MTMR10: variants seen among roughly 807,000 people sequenced by gnomAD.
MTMR10 encodes the protein myotubularin-related protein 10.
A neutral mutation model predicts 88.1 loss-of-function variants in MTMR10; 56 were observed. The observed-to-expected ratio is 0.64, with a 90% confidence interval of 0.51 to 0.79. The LOEUF is 0.79. MTMR10 is among the 30% of genes least tolerant of loss of function. The probability of loss-of-function intolerance (pLI) is 0.00; values close to 1 mark genes in which losing one functional copy is unlikely to be tolerated. For synonymous variants in MTMR10, 380 were observed against 340.9 expected (o/e 1.11, Z -1.26); for missense variants, 883 against 924.7 (o/e 0.95, Z 0.58).
intron 1 of MTMR10, chr15:30,991,110 G>A (rs3743232): frequency 0.057 from 29,699 of 518,326 alleles, 1,071 homozygotes; most frequent in Admixed American, 0.14. Context: ...CCCAAGCGCT[G>A]CAATCATGCT....
chr15:30,943,146 C>A, intron 14 of MTMR10, 74 bp from the exon 15 acceptor site: 3 of 1,487,574 alleles, frequency 2.0e-6, no homozygotes, highest in Admixed American at 4.7e-5. Context: ...ATGAGCCACT[C>A]ATCATTACAC....
At chr15:30,973,928 T>C (rs1346708992) in intron 5 of MTMR10, among the ~76,000 whole-genome samples, 1 of 152,246 alleles carries the variant, frequency 6.6e-6, no homozygotes, top group African/African-American at 2.4e-5. Flanking sequence ...AACATAAGTC[T>C]AGCTTACAGT....
intron 5 of MTMR10, among the ~76,000 whole-genome samples, chr15:30,970,550 T>A (rs2063525545): frequency 6.6e-6 from 1 of 152,138 alleles, no homozygotes; most frequent in Non-Finnish European, 1.5e-5. Context: ...CTGACAAAAG[T>A]AGTTACCAAC....
intron 12 of MTMR10, 29 bp downstream of exon 12, chr15:30,951,939 A>G: frequency 1.3e-6 from 2 of 1,585,544 alleles, no homozygotes; most frequent in Non-Finnish European, 1.7e-6. Flanking sequence ...TATGGTGGTC[A>G]TGGTGCTTTC....
chr15:30,974,210 C>G (rs141664559), intron 5 of MTMR10, 104 bp downstream of exon 5: 1 of 1,092,124 alleles, frequency 9.2e-7, no homozygotes, highest in African/African-American at 1.6e-5. Flanking sequence ...GATAACTTCC[C>G]CTAAAAAACA....
Position 30,941,832 on chromosome 15 carries a change from T to G in MTMR10, c.1972A>C (p.Lys658Gln). The change falls in exon 16 of 16, where the codon AAA (lysine) becomes CAA (glutamine). Residue 658 changes from lysine to glutamine, a missense_variant. By Grantham distance (53) the Lys-to-Gln change is moderately conservative (BLOSUM62 1). Transcript: ENST00000435680. ...GGAACCCAGCGGAAGTAGCACAGTTTCCACAGTTTTATGTGTGTTCCAGAG... is the reference window on the plus strand; with the variant it reads ...GGAACCCAGCGGAAGTAGCACAGTTGCCACAGTTTTATGTGTGTTCCAGAG... ...RVSGTHIKLWKLCYFRWVPEA... is the reference protein window; with the variant it reads ...RVSGTHIKLWQLCYFRWVPEA... 6.2e-7 allele frequency: 1 copy of G among 1,614,048 alleles called. No homozygotes were observed. The highest frequency in any genetic ancestry group is 8.5e-7 in the Non-Finnish European group (1 of 1,179,900).
chr15:30,955,183 C>T (rs2063305121), intron 9 of MTMR10, among the ~76,000 whole-genome samples: 2 of 152,330 alleles, frequency 1.3e-5, no homozygotes, highest in East Asian at 3.9e-4. Flanking sequence ...CCCAACTTCT[C>T]CCACCCATCT....
intron 2 of MTMR10, among the ~76,000 whole-genome samples, chr15:30,979,975 G>A (rs1369432914): frequency 6.6e-6 from 1 of 152,232 alleles, no homozygotes; most frequent in Non-Finnish European, 1.5e-5. Context: ...AGACAGAGCT[G>A]AGTACTTGAA....
At chr15:30,928,235 C>G in the MTMR10 span, 5 of 1,083,134 alleles carry the variant, frequency 4.6e-6, no homozygotes, top group Non-Finnish European at 5.6e-6. Context: ...GGGTATCTGC[C>G]TATTTTTCTT....
intron 14 of MTMR10, among the ~76,000 whole-genome samples, chr15:30,945,598 G>A (rs1393238829): frequency 6.6e-6 from 1 of 152,226 alleles, no homozygotes; most frequent in Non-Finnish European, 1.5e-5. Flanking sequence ...AGAGCTGAAG[G>A]AGGCAAACAA....
At chr15:30,922,094 CAGTT>C in the MTMR10 span, 3 of 1,056,138 alleles carry the variant, frequency 2.8e-6, no homozygotes, top group African/African-American at 4.8e-5. Flanking sequence ...CCTGTCCTGT[CAGTT>C]CGGGGTCCTT....
At chr15:30,955,007 C>T (rs2141012466) in intron 9 of MTMR10, 114 bp from the exon 10 acceptor site, 1 of 893,310 alleles carries the variant, frequency 1.1e-6, no homozygotes, top group East Asian at 3.2e-5. Flanking sequence ...AGGTCTCTGC[C>T]TTCATGGAGT....
chr15:30,970,506 GCT>G (rs1409393034), intron 5 of MTMR10, among the ~76,000 whole-genome samples: 2 of 152,120 alleles, frequency 1.3e-5, no homozygotes, highest in Non-Finnish European at 2.9e-5. Flanking sequence ...TTCTGACGGT[GCT>G]CTGTGTCCAA....
chr15:30,962,079 A>C (rs560914528), intron 6 of MTMR10, among the ~76,000 whole-genome samples: 1 of 152,308 alleles, frequency 6.6e-6, no homozygotes, highest in South Asian at 2.1e-4. Flanking sequence ...TCCTTTGAAA[A>C]GCTCATCAGG....
downstream of MTMR10, among the ~76,000 whole-genome samples, chr15:30,935,444 AAAG>A (rs1287840554): frequency 6.6e-6 from 1 of 152,246 alleles, no homozygotes; most frequent in Non-Finnish European, 1.5e-5. Flanking sequence ...TATTTGGAAA[AAAG>A]AAAAACAATA....
In MTMR10 at chr15:30,941,664, T is replaced by C; in HGVS notation, c.2140A>G (p.Ser714Gly). Residue 714 changes from serine to glycine, a missense_variant, in exon 16 of 16, where the codon AGC becomes GGC. Ser to Gly is a moderately conservative substitution (Grantham distance 56). Transcript: ENST00000435680. ...CCGCTGGCGTTGAAGTACATCCTGC[T>C]CTGGCCCAGCTCCCCATAGCAGGCC... ...LEACYGELGQ[S>G]RMYFNASGPH... The C allele has an allele frequency of 6.2e-7, 1 of 1,613,140 alleles. No individual in the cohort carries two copies. The highest frequency in any genetic ancestry group is 8.5e-7 in the Non-Finnish European group (1 of 1,179,544).
At chr15:30,933,653 T>C in the MTMR10 span, among the ~76,000 whole-genome samples, 7 of 152,088 alleles carry the variant, frequency 4.6e-5, no homozygotes, top group African/African-American at 1.7e-4. Flanking sequence ...TTGATAGTGT[T>C]GTTTAAGTTG....
Position 30,974,336 on chromosome 15 carries a change from G to A in MTMR10, c.452C>T (p.Ser151Leu). The change falls in exon 5 of 16, where the codon TCA becomes TTA. Residue 151 changes from serine (S) to leucine (L), a missense_variant. Coordinates refer to ENST00000435680, the MANE Select transcript of MTMR10 (RefSeq NM_017762.3). ...TACCTTTTTAGCACTTTCGGGACCT[G>A]ATTCATCAAAGCGAAATCTGACAAT... Reference protein sequence around the residue: ...FRIVRFRFDESGPESAKKVCL... With the variant: ...FRIVRFRFDELGPESAKKVCL... 6.2e-7 allele frequency: 1 copy of A among 1,603,340 alleles called. No individual in the cohort carries two copies. Among genetic ancestry groups the A allele is most frequent in the Non-Finnish European group, 8.5e-7 (1 of 1,173,638 alleles).
chr15:30,980,836 CA>C (rs1193851728), intron 2 of MTMR10, among the ~76,000 whole-genome samples: 2 of 151,978 alleles, frequency 1.3e-5, no homozygotes, highest in Non-Finnish European at 1.5e-5. Context: ...ATCTGAGCAA[CA>C]AAAGAAATAA....
Sources: allele counts gnomAD v4.1 joint callset (sites outside exome capture counted in the v4.1 genomes callset), GRCh38; gene constraint gnomAD v4.1.1; transcripts MANE v1.5; gene names NCBI Gene and HGNC (gene_info 2026-07-23, HGNC 2026-07-21).